Variants in PEBP4 observed in about 807,000 individuals in gnomAD.
PEBP4 encodes phosphatidylethanolamine-binding protein 4.
PEBP4 carries 22 observed loss-of-function variants against 23.9 expected under a neutral mutation model. The observed-to-expected ratio is 0.92, with a 90% confidence interval of 0.66 to 1.31. The LOEUF (loss-of-function observed/expected upper bound fraction) is 1.31, where lower values mean the gene tolerates loss of function less well. Ranked by LOEUF, PEBP4 falls within the 40% of genes most tolerant of loss-of-function variation. The pLI, the probability that PEBP4 is intolerant of heterozygous loss-of-function variation, is 0.00. For missense variants in PEBP4, 324 were observed against 281.7 expected (o/e 1.15, Z -1.07); for synonymous variants, 112 against 99.3 (o/e 1.13, Z -0.76).
chr8:22,762,601 C>T (rs1397235290), intron 4 of PEBP4, among the ~76,000 whole-genome samples: 1 of 152,152 alleles, frequency 6.6e-6, no homozygotes, highest in Non-Finnish European at 1.5e-5. Context: ...CTGGTTTCTT[C>T]TCGGTCAGGC....
At chr8:22,915,561 A>G (rs750894416) in intron 3 of PEBP4, among the ~76,000 whole-genome samples, 1 of 152,194 alleles carries the variant, frequency 6.6e-6, no homozygotes, top group Non-Finnish European at 1.5e-5. Context: ...CTCTGAATCA[A>G]TAGCACTGAC....
chr8:22,889,910 T>C (rs903950975), intron 3 of PEBP4, among the ~76,000 whole-genome samples: 10 of 152,370 alleles, frequency 6.6e-5, no homozygotes, highest in African/African-American at 2.4e-4. Flanking sequence ...GCAGAATTTA[T>C]AAACTTGCTC....
In PEBP4 at chr8:22,763,068, G is replaced by T. The variant is rs151308838; in HGVS notation, c.358-35848C>A. Among the ~76,000 whole-genome samples the T allele has an allele frequency of 3.3e-5, 5 of 152,016 alleles. No homozygotes were observed. The East Asian group carries it at 9.7e-4, about 29-fold the overall frequency. On this transcript the variant is annotated intron_variant, in intron 4 of 6. Coordinates refer to ENST00000256404, the MANE Select transcript of PEBP4 (RefSeq NM_144962.3). ...CTCCCAGGCTGGAGCGCAGTAGCAT[G>T]ATCTTGGCTCACTGCAACCTCTGCC... is the stretch of plus-strand genomic sequence containing the variant.
chr8:22,872,085 A>G (rs528464054), intron 3 of PEBP4, among the ~76,000 whole-genome samples: 3 of 152,252 alleles, frequency 2.0e-5, no homozygotes, highest in African/African-American at 7.2e-5. Context: ...GCTCCATCCA[A>G]GTTGCTGTGA....
chr8:22,727,572 C>T (rs1190325476), intron 4 of PEBP4, among the ~76,000 whole-genome samples: 1 of 152,112 alleles, frequency 6.6e-6, no homozygotes, highest in African/African-American at 2.4e-5. Context: ...TGAGACTGGG[C>T]GCTACACATC....
At chr8:22,778,034 G>A (rs1805849094) in intron 4 of PEBP4, among the ~76,000 whole-genome samples, 1 of 152,150 alleles carries the variant, frequency 6.6e-6, no homozygotes, top group Non-Finnish European at 1.5e-5. Flanking sequence ...GGACCCGCGA[G>A]GCAGAAGCCC....
At chr8:22,909,152 G>A (rs908057876) in intron 3 of PEBP4, among the ~76,000 whole-genome samples, 1 of 152,112 alleles carries the variant, frequency 6.6e-6, no homozygotes, top group African/African-American at 2.4e-5. Context: ...GTAGGATGAC[G>A]GTCACCTATC....
intron 4 of PEBP4, among the ~76,000 whole-genome samples, chr8:22,808,572 G>A (rs558128634): frequency 1.2e-4 from 19 of 152,308 alleles, no homozygotes; most frequent in South Asian, 4.1e-4. Flanking sequence ...GCAGCACAGC[G>A]GGACTGACTA....
intron 4 of PEBP4, among the ~76,000 whole-genome samples, chr8:22,772,104 T>C (rs1428347811): frequency 6.6e-6 from 1 of 152,238 alleles, no homozygotes; most frequent in Admixed American, 6.5e-5. Context: ...TCATCTGCCC[T>C]GCATCACTGT....
chr8:22,892,502 A>G (rs1406262593), intron 3 of PEBP4, among the ~76,000 whole-genome samples: 3 of 152,076 alleles, frequency 2.0e-5, no homozygotes, highest in African/African-American at 7.2e-5. Flanking sequence ...CCATCTAACA[A>G]TTTTCTGTAT....
intron 3 of PEBP4, among the ~76,000 whole-genome samples, chr8:22,906,404 A>G (rs1212772915): frequency 1.3e-5 from 2 of 152,210 alleles, no homozygotes; most frequent in African/African-American, 2.4e-5. Context: ...AGCATCTACT[A>G]TCTGCATAGC....
chr8:22,886,088 T>C (rs1585324684), intron 3 of PEBP4: 1 of 152,230 alleles, frequency 6.6e-6, no homozygotes, highest in Non-Finnish European at 1.5e-5. Flanking sequence ...AATGAAACCC[T>C]TACTAGACAA....
rs533628944 is a variant in PEBP4 at position 22,918,563 on chromosome 8, T to G, written c.258+1621A>C. On this transcript the variant is annotated intron_variant, in intron 3 of 6. Coordinates refer to ENST00000256404, the MANE Select transcript of PEBP4 (RefSeq NM_144962.3). ...GGAGGACACCAGGTGCTCAGAAAAG[T>G]CTACACTGCCATCTAGTGGATGTCT... Among the ~76,000 whole-genome samples the G allele has an allele frequency of 4.6e-5, 7 of 152,218 alleles. No homozygotes were observed. In the South Asian group the frequency reaches 1.5e-3, roughly 32 times the overall value.
chr8:22,753,084 G>T (rs1244122566), intron 4 of PEBP4, among the ~76,000 whole-genome samples: 3 of 152,172 alleles, frequency 2.0e-5, no homozygotes, highest in Non-Finnish European at 4.4e-5. Context: ...GAAGTATCCT[G>T]GTAGCTTAGT....
intron 3 of PEBP4, among the ~76,000 whole-genome samples, chr8:22,857,862 G>C (rs115437756): frequency 0.014 from 2,115 of 152,310 alleles, 52 homozygotes; most frequent in African/African-American, 0.048. Flanking sequence ...AAGGGATGGG[G>C]AGCAAGAGGA....
chr8:22,898,687 T>C (rs114240572), intron 3 of PEBP4, among the ~76,000 whole-genome samples: 4 of 152,226 alleles, frequency 2.6e-5, no homozygotes, highest in Non-Finnish European at 5.9e-5. Flanking sequence ...AGCTCCTCTT[T>C]GTCCCTTTCT....
At chr8:22,857,167 T>C (rs922682043) in intron 3 of PEBP4, among the ~76,000 whole-genome samples, 1 of 152,054 alleles carries the variant, frequency 6.6e-6, no homozygotes, top group Non-Finnish European at 1.5e-5. Flanking sequence ...TTAATTTTTT[T>C]CCCTTTCTTT....
At chr8:22,925,082 T>G in intron 2 of PEBP4, 6 of 985,350 alleles carry the variant, frequency 6.1e-6, no homozygotes, top group Non-Finnish European at 7.2e-6. Flanking sequence ...GGTCCTGCTG[T>G]CTCCTCAGGG....
chr8:22,792,487 A>T (rs1012336853), intron 4 of PEBP4, among the ~76,000 whole-genome samples: 2 of 151,818 alleles, frequency 1.3e-5, no homozygotes, highest in African/African-American at 2.4e-5. Flanking sequence ...TATCCTTTCT[A>T]TGATTCCAGG....
Sources: allele counts gnomAD v4.1 joint callset (sites outside exome capture counted in the v4.1 genomes callset), GRCh38; gene constraint gnomAD v4.1.1; transcripts MANE v1.5; gene names NCBI Gene and HGNC (gene_info 2026-07-23, HGNC 2026-07-21).